CADPS: variants seen among roughly 807,000 people sequenced by gnomAD.
CADPS encodes the protein calcium-dependent secretion activator 1.
CADPS carries 57 observed loss-of-function variants against 167.3 expected under a neutral mutation model. That is an observed-to-expected ratio of 0.34 (90% CI 0.28 to 0.42). The LOEUF is 0.42. Ranked by LOEUF, CADPS falls within the 20% of genes least tolerant of loss-of-function variation. CADPS has a pLI of 1.00. For synonymous variants in CADPS, 676 were observed against 635.3 expected, an observed-to-expected ratio of 1.06 and a Z score of -0.96; for missense variants, 1,414 against 1,738.1, an observed-to-expected ratio of 0.81 and a Z score of 3.32.
At chr3:62,490,841 A>G (rs868829156) in intron 21 of CADPS, among the ~76,000 whole-genome samples, 11 of 152,192 alleles carry the variant, frequency 7.2e-5, no homozygotes, top group African/African-American at 2.7e-4. Context: ...ACACTCGTTC[A>G]TTTACATACT....
chr3:62,491,143 C>A (rs1196864796), intron 21 of CADPS, among the ~76,000 whole-genome samples, 196 bp downstream of exon 21: 1 of 152,110 alleles, frequency 6.6e-6, no homozygotes, highest in South Asian at 2.1e-4. Flanking sequence ...CTTCCCCTAC[C>A]CTACCCACCT....
chr3:62,797,505 TC>T (rs1263874881), intron 1 of CADPS, among the ~76,000 whole-genome samples: 1 of 152,200 alleles, frequency 6.6e-6, no homozygotes, highest in Non-Finnish European at 1.5e-5. Context: ...CCTGATCATG[TC>T]CTTTGCAGAG....
chr3:62,736,901 G>T (rs897407797), intron 3 of CADPS, among the ~76,000 whole-genome samples: 7 of 152,176 alleles, frequency 4.6e-5, no homozygotes, highest in Non-Finnish European at 7.3e-5. Flanking sequence ...TGCTTTGGGA[G>T]GCTGAGGCAG....
Position 62,685,211 on chromosome 3 carries a change from C to G in CADPS, c.889-22817G>C, listed in dbSNP as rs546214691. Among the ~76,000 whole-genome samples, 4 of 152,084 alleles carry G rather than the reference C, an allele frequency of 2.6e-5. No individual in the cohort carries two copies. In the South Asian group the frequency reaches 6.2e-4, roughly 24 times the overall value. On this transcript the variant is annotated intron_variant, in intron 3 of 29. Coordinates refer to ENST00000383710, the MANE Select transcript of CADPS (RefSeq NM_003716.4). ...ATGAAAACGGAGTGGTGATTTCACT[C>G]AAAAACTTCAACTAAGGAAACTTAC...
intron 3 of CADPS, among the ~76,000 whole-genome samples, chr3:62,734,714 T>G (rs1209367351): frequency 6.6e-6 from 1 of 152,098 alleles, no homozygotes; most frequent in Non-Finnish European, 1.5e-5. Flanking sequence ...CTACTACTGA[T>G]AGATATTTAG....
chr3:62,456,973 A>G (rs907641618), intron 26 of CADPS, among the ~76,000 whole-genome samples: 2 of 152,108 alleles, frequency 1.3e-5, no homozygotes, highest in African/African-American at 4.8e-5. Flanking sequence ...ACATTGAACC[A>G]GAAAGTCTAG....
chr3:62,668,670 G>A (rs932411174), intron 3 of CADPS, among the ~76,000 whole-genome samples: 1 of 152,120 alleles, frequency 6.6e-6, no homozygotes, highest in Non-Finnish European at 1.5e-5. Flanking sequence ...GTGATTTGGT[G>A]TTTGCCTACT....
At chr3:62,697,597 T>C (rs575117196) in intron 3 of CADPS, among the ~76,000 whole-genome samples, 2 of 152,166 alleles carry the variant, frequency 1.3e-5, no homozygotes, top group East Asian at 3.9e-4. Flanking sequence ...TGTATAATGG[T>C]TTCTTTTCCT....
intron 1 of CADPS, among the ~76,000 whole-genome samples, chr3:62,811,719 G>A (rs1007290079): frequency 1.3e-5 from 2 of 152,288 alleles, no homozygotes; most frequent in Admixed American, 1.3e-4. Context: ...TACAGGGCAA[G>A]GGCTGGTGCG....
chr3:62,850,545 C>T (rs1031005836), intron 1 of CADPS, among the ~76,000 whole-genome samples: 2 of 129,130 alleles, frequency 1.5e-5, no homozygotes, highest in African/African-American at 5.6e-5. Context: ...AGTAGTCATT[C>T]AGGAGCAGGT....
chr3:62,651,202 C>A, intron 4 of CADPS, 122 bp from the exon 5 acceptor site: 1 of 681,670 alleles, frequency 1.5e-6, no homozygotes, highest in Non-Finnish European at 2.5e-6. Context: ...TCACCCAGAT[C>A]TCATGGCCTT....
At chr3:62,454,336 C>T (rs2058428935) in intron 26 of CADPS, among the ~76,000 whole-genome samples, 1 of 152,174 alleles carries the variant, frequency 6.6e-6, no homozygotes, top group Non-Finnish European at 1.5e-5. Flanking sequence ...AATGATTGAA[C>T]ACCTAATTTA....
chr3:62,784,678 G>T (rs947210813), intron 1 of CADPS, among the ~76,000 whole-genome samples: 1 of 150,956 alleles, frequency 6.6e-6, no homozygotes, highest in Non-Finnish European at 1.5e-5. Flanking sequence ...AATACCAACG[G>T]GTGTAACCAG....
chr3:62,574,449 G>A (rs2081904259), intron 8 of CADPS, among the ~76,000 whole-genome samples: 1 of 152,162 alleles, frequency 6.6e-6, no homozygotes, highest in Non-Finnish European at 1.5e-5. Flanking sequence ...GGTGATGGCT[G>A]GACCAAAGCT....
intron 27 of CADPS, among the ~76,000 whole-genome samples, chr3:62,444,886 A>G (rs2056957159): frequency 6.6e-6 from 1 of 152,234 alleles, no homozygotes; most frequent in African/African-American, 2.4e-5. Flanking sequence ...TCAGAATGAG[A>G]AATGCTTAGT....
At chr3:62,436,533 G>C (rs1159226397) in intron 28 of CADPS, among the ~76,000 whole-genome samples, 1 of 152,188 alleles carries the variant, frequency 6.6e-6, no homozygotes, top group Non-Finnish European at 1.5e-5. Context: ...ATGCCTATTG[G>C]ATGGTGATTG....
intron 8 of CADPS, among the ~76,000 whole-genome samples, chr3:62,578,328 C>A (rs6798043): frequency 6.6e-6 from 1 of 151,674 alleles, no homozygotes; most frequent in Admixed American, 6.6e-5. Flanking sequence ...GAAGACATAA[C>A]AGCCGGGTGT....
At chr3:62,526,063 T>G (rs544127732) in intron 13 of CADPS, among the ~76,000 whole-genome samples, 6 of 152,224 alleles carry the variant, frequency 3.9e-5, no homozygotes, top group Non-Finnish European at 7.4e-5. Flanking sequence ...GGATGGCTCT[T>G]GAGGTTCTAT....
At chr3:62,853,197 A>G (rs2078972670) in intron 1 of CADPS, among the ~76,000 whole-genome samples, 1 of 152,236 alleles carries the variant, frequency 6.6e-6, no homozygotes, top group South Asian at 2.1e-4. Flanking sequence ...AAGCAGAAGA[A>G]AAGAAAAAGA....
Sources: allele counts gnomAD v4.1 joint callset (sites outside exome capture counted in the v4.1 genomes callset), GRCh38; gene constraint gnomAD v4.1.1; transcripts MANE v1.5; gene names NCBI Gene and HGNC (gene_info 2026-07-23, HGNC 2026-07-21).